GNA12: variants seen among roughly 807,000 people sequenced by gnomAD.
GNA12 encodes the protein G protein subunit alpha 12, also known as guanine nucleotide-binding protein subunit alpha-12.
Under a neutral mutation model 26.0 loss-of-function variants are expected in GNA12, and 9 were observed. The ratio of observed to expected loss-of-function variants is 0.35; its 90% CI spans 0.21 to 0.60. The LOEUF (loss-of-function observed/expected upper bound fraction) is 0.60. Among genes scored for constraint, GNA12 ranks in the 20% least tolerant of loss-of-function variants. The pLI is 0.78. For synonymous variants in GNA12, 264 were observed against 219.6 expected, an observed-to-expected ratio of 1.20 and a Z score of -1.79; for missense variants, 405 against 525.8, an observed-to-expected ratio of 0.77 and a Z score of 2.25.
rs747570607 is a variant in GNA12 at position 2,820,108 on chromosome 7, C to A, written c.309+23745G>T. ...GAAGAAACGATGCTAAGAAGTCCGT[C>A]GCAGAAGACAACATACTGTATGATT... is the stretch of plus-strand genomic sequence containing the variant. On this transcript the variant is annotated intron_variant, in intron 1 of 3. Transcript: ENST00000275364. Among the ~76,000 whole-genome samples, 4 of 152,096 alleles carry A rather than the reference C, an allele frequency of 2.6e-5. No homozygotes were observed. The East Asian group carries it at 7.7e-4, about 29-fold the overall frequency.
intron 1 of GNA12, among the ~76,000 whole-genome samples, chr7:2,802,326 A>G (rs1052445718): frequency 4.9e-5 from 7 of 142,416 alleles, no homozygotes; most frequent in Non-Finnish European, 1.0e-4. Context: ...GACAACTTAT[A>G]AATCCAGCAA....
chr7:2,787,560 T>A (rs1165670111), intron 2 of GNA12, among the ~76,000 whole-genome samples: 2 of 152,156 alleles, frequency 1.3e-5, no homozygotes, highest in Non-Finnish European at 2.9e-5. Flanking sequence ...GCACCCACCA[T>A]CTTCTGAGCT....
intron 1 of GNA12, among the ~76,000 whole-genome samples, chr7:2,818,877 C>T (rs186784976): frequency 1.2e-4 from 18 of 152,224 alleles, no homozygotes; most frequent in Admixed American, 3.3e-4. Context: ...CCTCACAACC[C>T]TTTCATGGTC....
At chr7:2,808,082 A>G (rs1792991900) in intron 1 of GNA12, among the ~76,000 whole-genome samples, 1 of 152,258 alleles carries the variant, frequency 6.6e-6, no homozygotes, top group Non-Finnish European at 1.5e-5. Context: ...TATGGACTGC[A>G]TGGGTAACTG....
At chr7:2,750,051 C>T (rs1790954284) in intron 2 of GNA12, among the ~76,000 whole-genome samples, 1 of 152,166 alleles carries the variant, frequency 6.6e-6, no homozygotes, top group East Asian at 1.9e-4. Context: ...AGAAGCTCCA[C>T]AAATTCCAAA....
Position 2,794,573 on chromosome 7 carries a change from C to T in GNA12, c.525+355G>A, listed in dbSNP as rs1293644656. 3 of 253,504 alleles carry T rather than the reference C, an allele frequency of 1.2e-5. No homozygotes were observed. The East Asian group carries it at 3.0e-4, about 25-fold the overall frequency. The allele number at this position is 253,504 out of a possible 1,614,324, so 15.7% of individuals were successfully genotyped here. On this transcript the variant is annotated intron_variant, in intron 2 of 3. Coordinates refer to ENST00000275364, the MANE Select transcript of GNA12 (RefSeq NM_007353.3). ...AAGGCGTTCGTGAGTTGCCCATACC[C>T]ACAGGTCCAAAGTGGGAAGCTGTTG...
At chr7:2,734,913 C>T (rs1475350072) in intron 2 of GNA12, among the ~76,000 whole-genome samples, 6 of 152,154 alleles carry the variant, frequency 3.9e-5, no homozygotes, top group African/African-American at 1.2e-4. Context: ...GGTGAACGTA[C>T]CCCAAGGGCC....
At chr7:2,768,968 CG>C (rs1791881935) in intron 2 of GNA12, among the ~76,000 whole-genome samples, 1 of 152,164 alleles carries the variant, frequency 6.6e-6, no homozygotes, top group Non-Finnish European at 1.5e-5. Flanking sequence ...CTCCGTTGTC[CG>C]GGCTGATCTC....
rs569195105 is a variant in GNA12 at position 2,758,248 on chromosome 7, G to A, written c.526-24747C>T. 4.6e-5 allele frequency among the ~76,000 whole-genome samples: 7 copies of A among 152,314 alleles called. No homozygotes were observed. The East Asian group carries it at 7.7e-4, about 17-fold the overall frequency. On this transcript the variant is annotated intron_variant, in intron 2 of 3. Transcript: ENST00000275364. ...TTTAAGAAAACAAGGCTTTAGGGCC[G>A]GGTGCAGTGGCTCACACTGTAATCC... is the stretch of plus-strand genomic sequence containing the variant.
chr7:2,747,067 C>CA (rs894431372), intron 2 of GNA12, among the ~76,000 whole-genome samples: 18 of 152,166 alleles, frequency 1.2e-4, no homozygotes, highest in African/African-American at 4.3e-4. Context: ...CAGATGGATT[C>CA]AACAGCCGAA....
chr7:2,820,401 CTTTT>C (rs35674433), intron 1 of GNA12, among the ~76,000 whole-genome samples: 1,519 of 126,366 alleles, frequency 0.012, 24 homozygotes, highest in African/African-American at 0.044. Flanking sequence ...CTCAATAAAG[CTTTT>C]TTTTTTTTTT....
rs1562409543 is a variant in GNA12, at chr7:2,757,128, C to CTTTTTT, written c.526-23628_526-23627insAAAAAA. 2.4e-4 allele frequency among the ~76,000 whole-genome samples: 28 copies of CTTTTTT among 115,130 alleles called. 1 individual carries two copies. Among genetic ancestry groups the CTTTTTT allele is most frequent in the South Asian group, 5.3e-4 (2 of 3,772 alleles). The allele number at this position is 115,130 out of a possible 152,430, so 75.5% of individuals were successfully genotyped here. ...GGCAGGCCCGATCTAATCAGGTGGGCCTTTTTTTTTTTTTTTTTTTTTTTT... is the reference window on the plus strand; with the variant it reads ...GGCAGGCCCGATCTAATCAGGTGGGCTTTTTTCTTTTTTTTTTTTTTTTTTTTTTTT... On this transcript the variant is annotated intron_variant, in intron 2 of 3. Coordinates refer to ENST00000275364, the MANE Select transcript of GNA12 (RefSeq NM_007353.3).
intron 1 of GNA12, among the ~76,000 whole-genome samples, chr7:2,803,389 G>A (rs1228935580): frequency 6.6e-6 from 1 of 152,212 alleles, no homozygotes; most frequent in Non-Finnish European, 1.5e-5. Context: ...CAGGTCCCGT[G>A]GCAGGTGGGA....
intron 2 of GNA12, among the ~76,000 whole-genome samples, chr7:2,792,293 T>A (rs900498838): frequency 1.3e-5 from 2 of 152,176 alleles, no homozygotes; most frequent in Non-Finnish European, 2.9e-5. Flanking sequence ...GAGGCCCAAA[T>A]TTCTCACAGT....
intron 2 of GNA12, among the ~76,000 whole-genome samples, chr7:2,752,140 T>C (rs1048522291): frequency 3.3e-5 from 5 of 151,930 alleles, no homozygotes; most frequent in South Asian, 4.2e-4. Context: ...AAAATGTCAA[T>C]AGAAGACAGC....
At chr7:2,834,462 G>C (rs1441398774) in intron 1 of GNA12, among the ~76,000 whole-genome samples, 1 of 152,210 alleles carries the variant, frequency 6.6e-6, no homozygotes, top group Non-Finnish European at 1.5e-5. Flanking sequence ...GCTTGAGAGT[G>C]CGAGTGGAGA....
chr7:2,826,157 T>A (rs1405267615), intron 1 of GNA12, among the ~76,000 whole-genome samples: 3 of 151,868 alleles, frequency 2.0e-5, no homozygotes, highest in Admixed American at 6.6e-5. Context: ...GGCGGGCAGA[T>A]CACGAGGTCA....
chr7:2,831,700 G>A (rs112991245), intron 1 of GNA12, among the ~76,000 whole-genome samples: 5 of 151,816 alleles, frequency 3.3e-5, no homozygotes, highest in South Asian at 2.1e-4. Flanking sequence ...ACCGCGCCCC[G>A]CCTGGAACTT....
chr7:2,840,411 A>G (rs955993488), intron 1 of GNA12, among the ~76,000 whole-genome samples: 2 of 152,224 alleles, frequency 1.3e-5, no homozygotes, highest in Non-Finnish European at 2.9e-5. Flanking sequence ...ATTCAACACC[A>G]TATTTGAAAG....
Sources: allele counts gnomAD v4.1 joint callset (sites outside exome capture counted in the v4.1 genomes callset), GRCh38; gene constraint gnomAD v4.1.1; transcripts MANE v1.5; gene names NCBI Gene and HGNC (gene_info 2026-07-23, HGNC 2026-07-21).